ELMO1: variants seen among roughly 807,000 people sequenced by gnomAD.
ELMO1 encodes engulfment and cell motility protein 1.
Under a neutral mutation model 98.9 loss-of-function variants are expected in ELMO1, and 26 were observed. The observed-to-expected ratio is 0.26, with a 90% CI of 0.19 to 0.36. The LOEUF (loss-of-function observed/expected upper bound fraction) is 0.36. Ranked by LOEUF, ELMO1 falls within the 10% of genes least tolerant of loss-of-function variation. The pLI, the probability that ELMO1 is intolerant of heterozygous loss-of-function variation, is 1.00. For synonymous variants in ELMO1, 346 were observed against 346.0 expected, an observed-to-expected ratio of 1.00 and a Z score of 0.00; for missense variants, 627 against 935.2, an observed-to-expected ratio of 0.67 and a Z score of 4.30.
At chr7:37,109,761 AC>A (rs1785144630) in intron 14 of ELMO1, among the ~76,000 whole-genome samples, 2 of 151,880 alleles carry the variant, frequency 1.3e-5, no homozygotes, top group Admixed American at 1.3e-4. Context: ...CTCAACACCC[AC>A]CCGGTCTTCC....
chr7:36,989,864 A>C (rs1303308018), intron 16 of ELMO1, among the ~76,000 whole-genome samples: 1 of 152,316 alleles, frequency 6.6e-6, no homozygotes, highest in Non-Finnish European at 1.5e-5. Flanking sequence ...TATTGTTGAC[A>C]CTATGTGAAA....
At chr7:37,214,031 C>T (rs2130453761) in intron 11 of ELMO1, among the ~76,000 whole-genome samples, 1 of 152,312 alleles carries the variant, frequency 6.6e-6, no homozygotes, top group African/African-American at 2.4e-5. Context: ...ACTTTACTCA[C>T]TGTTAACAAT....
Position 37,393,044 on chromosome 7 carries a change from C to G in ELMO1, c.-73-50281G>C, listed in dbSNP as rs140257187. ...ATTCCAAGGTCTACCAAGACCACTT[C>G]TGCACACATTTCCATCAGGACATAA... On this transcript the variant is annotated intron_variant, in intron 1 of 21. Transcript: ENST00000310758. Among the ~76,000 whole-genome samples, 146 of 152,344 alleles carry G rather than the reference C, an allele frequency of 9.6e-4. 2 individuals are homozygous for G. The East Asian group carries it at 0.025, about 26-fold the overall frequency.
intron 15 of ELMO1, among the ~76,000 whole-genome samples, chr7:37,050,191 G>A (rs940475770): frequency 1.3e-5 from 2 of 152,070 alleles, no homozygotes; most frequent in Admixed American, 6.6e-5. Flanking sequence ...CAATTCTGGT[G>A]CCCCAACCTC....
chr7:37,342,657 T>C lies in ELMO1; in HGVS notation c.34A>G (p.Ile12Val). 2 of 1,612,872 alleles carry C rather than the reference T, an allele frequency of 1.2e-6. No individual in the cohort carries two copies. Among genetic ancestry groups the C allele is most frequent in the Admixed American group, 3.4e-5 (2 of 59,576 alleles). Residue 12 changes from isoleucine (I) to valine (V), a missense_variant, in exon 2 of 22, where the codon ATA becomes GTA. Ile to Val is a conservative substitution (Grantham distance 29). Transcript: ENST00000310758. The surrounding 1 kb of genome is among the most constrained non-coding windows in gnomAD (Gnocchi z 4.3). ...PPPADIVKVA[I>V]EWPGAYPKLM... ...TTGGGGTAGGCGCCCGGCCATTCTA[T>C]GGCCACCTTGACGATGTCCGCGGGT...
At chr7:37,269,506 A>G (rs555262083) in intron 5 of ELMO1, 1 of 141,744 alleles carries the variant, frequency 7.1e-6, no homozygotes, top group East Asian at 2.0e-4. Context: ...CAGTGGCGTC[A>G]TCTCTGCTCA....
intron 1 of ELMO1, among the ~76,000 whole-genome samples, chr7:37,381,466 A>C (rs2893541): frequency 0.66 from 100,265 of 152,062 alleles, 33,286 homozygotes; most frequent in African/African-American, 0.73. Flanking sequence ...AGTCAGTAAT[A>C]TACAACCCTG....
intron 1 of ELMO1, among the ~76,000 whole-genome samples, chr7:37,392,338 T>C (rs1803115507): frequency 6.6e-6 from 1 of 152,202 alleles, no homozygotes; most frequent in Non-Finnish European, 1.5e-5. Context: ...CATATGCCTC[T>C]GACAGTTAAC....
intron 16 of ELMO1, among the ~76,000 whole-genome samples, chr7:36,973,723 C>T (rs910725326): frequency 2.0e-5 from 3 of 152,206 alleles, no homozygotes; most frequent in Admixed American, 1.3e-4. Context: ...ACAGCTCCCT[C>T]GGCTTGCAGG....
chr7:37,215,088 T>C (rs931672086), intron 11 of ELMO1, among the ~76,000 whole-genome samples: 3 of 152,228 alleles, frequency 2.0e-5, no homozygotes, highest in Non-Finnish European at 4.4e-5. Context: ...CTAGAATGTA[T>C]TAAGATGCTC....
intron 4 of ELMO1, among the ~76,000 whole-genome samples, chr7:37,283,425 G>C (rs1342153232): frequency 6.6e-6 from 1 of 152,202 alleles, no homozygotes; most frequent in Non-Finnish European, 1.5e-5. Context: ...CTGGTGTCTA[G>C]GCTGGGGACT....
intron 11 of ELMO1, among the ~76,000 whole-genome samples, chr7:37,215,581 C>T (rs963461398): frequency 6.6e-6 from 1 of 152,238 alleles, no homozygotes; most frequent in African/African-American, 2.4e-5. Flanking sequence ...CCACCCAGGG[C>T]CAGGTACCAG....
At chr7:36,858,666 G>C (rs1802387045) in intron 21 of ELMO1, among the ~76,000 whole-genome samples, 1 of 120,206 alleles carries the variant, frequency 8.3e-6, no homozygotes, top group Non-Finnish European at 1.9e-5. Flanking sequence ...AACAGAAGAA[G>C]AGTCAGAGTC....
intron 16 of ELMO1, among the ~76,000 whole-genome samples, chr7:36,915,749 G>A (rs1286516075): frequency 1.3e-5 from 2 of 152,210 alleles, no homozygotes; most frequent in African/African-American, 4.8e-5. Flanking sequence ...CGAGTGACCT[G>A]ATCAATAAGG....
chr7:37,244,105 GTGGT>G (rs1273337674), intron 7 of ELMO1, among the ~76,000 whole-genome samples: 1 of 152,064 alleles, frequency 6.6e-6, no homozygotes, highest in Non-Finnish European at 1.5e-5. Flanking sequence ...CAATCTTTCT[GTGGT>G]TACAGCATCA....
At chr7:36,985,928 T>TC (rs1791468571) in intron 16 of ELMO1, 1 of 1,002,778 alleles carries the variant, frequency 1.0e-6, no homozygotes, top group South Asian at 4.7e-5. Context: ...CTCACCAAGC[T>TC]CCCGTAAGTC....
At chr7:37,415,307 A>G (rs969947666) in intron 1 of ELMO1, among the ~76,000 whole-genome samples, 1 of 152,226 alleles carries the variant, frequency 6.6e-6, no homozygotes, top group Admixed American at 6.5e-5. Context: ...GAAAATACAG[A>G]GGTCTTTGGA....
chr7:37,077,820 G>A (rs1797664696), intron 15 of ELMO1, among the ~76,000 whole-genome samples: 1 of 152,124 alleles, frequency 6.6e-6, no homozygotes, highest in East Asian at 1.9e-4. Context: ...CAGGAGCCAG[G>A]CCTTCCAGTC....
chr7:37,368,008 G>A (rs1801972549), intron 1 of ELMO1, among the ~76,000 whole-genome samples: 1 of 152,146 alleles, frequency 6.6e-6, no homozygotes, highest in South Asian at 2.1e-4. Flanking sequence ...AGGAACGTAG[G>A]CAAATTAGGA....
Sources: allele counts gnomAD v4.1 joint callset (sites outside exome capture counted in the v4.1 genomes callset), GRCh38; gene constraint gnomAD v4.1.1; non-coding constraint Gnocchi (gnomAD v3.1); transcripts MANE v1.5; gene names NCBI Gene and HGNC (gene_info 2026-07-23, HGNC 2026-07-21).